COL20A1: variants seen among roughly 807,000 people sequenced by gnomAD.
COL20A1 encodes the protein collagen alpha-1(XX) chain.
Under a neutral mutation model 152.9 loss-of-function variants are expected in COL20A1, and 164 were observed. The ratio of observed to expected loss-of-function variants is 1.07; its 90% CI spans 0.94 to 1.22. The LOEUF (loss-of-function observed/expected upper bound fraction) is 1.22, where lower values mean the gene tolerates loss of function less well. COL20A1 is among the 50% of genes most tolerant of loss of function. The probability of loss-of-function intolerance (pLI) is 0.00; values close to 1 mark genes in which losing one functional copy is unlikely to be tolerated. For synonymous variants in COL20A1, 864 were observed against 756.0 expected, an observed-to-expected ratio of 1.14 and a Z score of -2.34; for missense variants, 1,873 against 1,744.8, an observed-to-expected ratio of 1.07 and a Z score of -1.31.
intron 20 of COL20A1, among the ~76,000 whole-genome samples, chr20:63,316,341 G>C (rs3746378): frequency 0.072 from 10,866 of 151,648 alleles, 454 homozygotes; most frequent in Middle Eastern, 0.11. Context: ...CTGGGGAGGG[G>C]TGGGGGGCGA....
Position 63,314,898 on chromosome 20 carries a change from C to T in COL20A1, c.2489-506C>T, listed in dbSNP as rs180841463. 6.0e-3 allele frequency among the ~76,000 whole-genome samples: 899 copies of T among 150,664 alleles called. 16 individuals are homozygous for T. The highest frequency in any genetic ancestry group is 0.021 in the African/African-American group (856 of 40,678). ...GCCCCCAGCCTGCCCGCACACCAGG[C>T]ATCTCCCTGGCCCCCAGGACATGCG... On this transcript the variant is annotated intron_variant, in intron 19 of 35. Coordinates refer to ENST00000358894, the MANE Select transcript of COL20A1 (RefSeq NM_020882.4).
rs552236663 is a variant in COL20A1, at chr20:63,305,159, C to T, written c.194-258C>T. Among the ~76,000 whole-genome samples the T allele has an allele frequency of 6.6e-6, 1 of 152,214 alleles. No individual in the cohort carries two copies. The highest frequency in any genetic ancestry group is 1.9e-4 in the East Asian group (1 of 5,176). Reference sequence around the variant, plus strand: ...TCTCTGAGGGTTGATGGCTTCTCACCTCACCATGCGGCGGATTCCTCTAGG... The same window carrying T: ...TCTCTGAGGGTTGATGGCTTCTCACTTCACCATGCGGCGGATTCCTCTAGG... On this transcript the variant is annotated intron_variant, in intron 3 of 35. Transcript: ENST00000358894. The surrounding 1 kb of genome is among the most constrained non-coding windows in gnomAD (Gnocchi z 4.9).
Position 63,306,791 on chromosome 20 carries a change from C to T in COL20A1, c.497-699C>T, listed in dbSNP as rs543969829. 3.8e-4 allele frequency among the ~76,000 whole-genome samples: 58 copies of T among 152,344 alleles called. No homozygotes were observed. The highest frequency in any genetic ancestry group is 7.1e-4 in the Non-Finnish European group (48 of 68,014). On this transcript the variant is annotated intron_variant, in intron 5 of 35. Transcript: ENST00000358894. The surrounding 1 kb of genome is among the most constrained non-coding windows in gnomAD (Gnocchi z 6.9). ...CTCAGAAGCAGGATTCTACCTCCCC[C>T]GTCAGACTTGGAACTGAAGGAAGTG...
rs2068000455 is a variant in COL20A1 at position 63,311,182 on chromosome 20, A to G, written c.1394-212A>G. Among the ~76,000 whole-genome samples, 1 of 152,336 alleles carries G rather than the reference A, an allele frequency of 6.6e-6. No individual in the cohort carries two copies. Among genetic ancestry groups the G allele is most frequent in the East Asian group, 1.9e-4 (1 of 5,188 alleles). On this transcript the variant is annotated intron_variant, in intron 11 of 35. Coordinates refer to ENST00000358894, the MANE Select transcript of COL20A1 (RefSeq NM_020882.4). This position sits in a 1 kb window ranked among gnomAD's most constrained non-coding sequence, Gnocchi z 4.4. ...CATTCCTCCCATGACCTCAAGGCAG[A>G]TGGCCTTAGACAAAACTGTGGGGTG...
rs1219665064 is a variant in COL20A1 at position 63,305,860 on chromosome 20, GCT to G, written c.338-18_338-17del. 6.2e-7 allele frequency: 1 copy of G among 1,612,250 alleles called. No individual in the cohort carries two copies. The highest frequency in any genetic ancestry group is 1.3e-5 in the African/African-American group (1 of 74,902). ...CAGGCCCTCCACTCCCACCCTGATG[GCT>G]CTTTGTGTCTCCCTGCAGTTGAGGA... On this transcript the variant is annotated intron_variant, in intron 4 of 35. Coordinates refer to ENST00000358894, the MANE Select transcript of COL20A1 (RefSeq NM_020882.4). This position sits in a 1 kb window ranked among gnomAD's most constrained non-coding sequence, Gnocchi z 4.9.
intron 11 of COL20A1, among the ~76,000 whole-genome samples, chr20:63,310,945 C>T (rs978902115): frequency 6.6e-6 from 1 of 152,092 alleles, no homozygotes; most frequent in African/African-American, 2.4e-5. Flanking sequence ...TTGGTATATT[C>T]AGAGCTGTCA....
At chr20:63,323,469 GCT>G (rs1164304995) in intron 27 of COL20A1, among the ~76,000 whole-genome samples, 3 of 152,144 alleles carry the variant, frequency 2.0e-5, no homozygotes, top group African/African-American at 7.2e-5. Flanking sequence ...TCCTCCTGGT[GCT>G]TCCAGGCACT....
chr20:63,312,972 C>A (rs77297993), intron 16 of COL20A1, 38 bp downstream of exon 16: 2 of 1,527,010 alleles, frequency 1.3e-6, no homozygotes, highest in East Asian at 2.5e-5. Flanking sequence ...AGGGGCCCCC[C>A]GTGGGCCCCT....
At position 63,328,479 on chromosome 20, in the gene COL20A1, C is replaced by T. The variant is rs1308134087; in HGVS notation, c.3762C>T (p.Gly1254=). ...ALVPGEWGRG[G]RHLEGRGEPG... ...TTCCTGGAGAATGGGGGCGTGGTGG[C>T]CGCCACCTTGAGGGCAGAGGTACTG... Residue 1254 remains glycine (G), a synonymous_variant, in exon 34 of 36, where the codon GGC becomes GGT. Coordinates refer to ENST00000358894, the MANE Select transcript of COL20A1 (RefSeq NM_020882.4). 4 of 1,611,564 alleles carry T rather than the reference C, an allele frequency of 2.5e-6. No individual in the cohort carries two copies. The African/African-American group carries it at 4.0e-5, about 16-fold the overall frequency.
chr20:63,302,510 G>A (rs1174245033), intron 3 of COL20A1, among the ~76,000 whole-genome samples: 1 of 152,100 alleles, frequency 6.6e-6, no homozygotes, highest in African/African-American at 2.4e-5. Flanking sequence ...TAGTAGAGAC[G>A]GGGTTTCACT....
Position 63,312,401 on chromosome 20 carries a change from G to A in COL20A1, c.1804-19G>A, listed in dbSNP as rs774605469. On this transcript the variant is annotated intron_variant, in intron 14 of 35. Transcript: ENST00000358894. ...AGGCACCAGCTGGGCCTGCCATGTC[G>A]CCCTCCCACCTGCTGCAGACAGAGG... 43 of 1,548,142 alleles carry A rather than the reference G, an allele frequency of 2.8e-5. No individual in the cohort carries two copies. Among genetic ancestry groups the A allele is most frequent in the African/African-American group, 8.2e-5 (6 of 73,336 alleles).
intron 33 of COL20A1, 60 bp from the exon 34 acceptor site, chr20:63,328,271 G>A (rs191094212): frequency 3.8e-6 from 6 of 1,569,832 alleles, no homozygotes; most frequent in African/African-American, 1.4e-5. Flanking sequence ...GGCGTGGCCT[G>A]CACAGGCCTC....
Position 63,313,137 on chromosome 20 carries a change from CGGCA to C in COL20A1, c.2098_2101del (p.Gly700ArgfsTer7). On this transcript the variant is annotated frameshift_variant, in exon 17 of 36. Coordinates refer to ENST00000358894, the MANE Select transcript of COL20A1 (RefSeq NM_020882.4). LOFTEE classifies it high-confidence loss of function. The surrounding 1 kb of genome is among the most constrained non-coding windows in gnomAD (Gnocchi z 5.9). Reference sequence around the variant, plus strand: ...CCTAGATCTCTGTCCCAGGGAACCTCGGCACGGCCGTCCTGCCTGGCCTAGGGAG... The same window carrying C: ...CCTAGATCTCTGTCCCAGGGAACCTCCGGCCGTCCTGCCTGGCCTAGGGAG... The C allele has an allele frequency of 6.2e-7, 1 of 1,610,346 alleles. No individual in the cohort carries two copies. Among genetic ancestry groups the C allele is most frequent in the East Asian group, 2.2e-5 (1 of 44,776 alleles).
Position 63,325,429 on chromosome 20 carries a change from T to G in COL20A1, c.3295-12T>G. 1 of 1,606,166 alleles carries G rather than the reference T, an allele frequency of 6.2e-7. No individual in the cohort carries two copies. Reference sequence around the variant, plus strand: ...CCTCCGCTTCGCTGTCCAGCCCATCTTCCCCCTCCAGGGTCCACCAGGGGT... The same window carrying G: ...CCTCCGCTTCGCTGTCCAGCCCATCGTCCCCCTCCAGGGTCCACCAGGGGT... On this transcript the variant is annotated splice_polypyrimidine_tract_variant and intron_variant, in intron 27 of 35. Coordinates refer to ENST00000358894, the MANE Select transcript of COL20A1 (RefSeq NM_020882.4).
At chr20:63,304,158 T>C (rs2067893369) in intron 3 of COL20A1, among the ~76,000 whole-genome samples, 1 of 136,188 alleles carries the variant, frequency 7.3e-6, no homozygotes, top group Non-Finnish European at 1.6e-5. Flanking sequence ...CAGGTGTGGG[T>C]TCCTCCCTCC....
At chr20:63,310,719 C>T (rs928902928) in intron 11 of COL20A1, among the ~76,000 whole-genome samples, 5 of 152,094 alleles carry the variant, frequency 3.3e-5, no homozygotes, top group Admixed American at 6.5e-5. Context: ...CCAGCTATAC[C>T]GTTGGTGTCA....
At position 63,329,636 on chromosome 20, in the gene COL20A1, G is replaced by C; in HGVS notation, c.3833G>C (p.Ser1278Thr). Residue 1278 changes from serine to threonine, a missense_variant, in exon 35 of 36, where the codon AGC becomes ACC. By Grantham distance (58) the Ser-to-Thr change is moderately conservative (BLOSUM62 1). Coordinates refer to ENST00000358894, the MANE Select transcript of COL20A1 (RefSeq NM_020882.4). Reference protein sequence around the residue: ...QMGSPGQQGASTQGLWE With the variant: ...QMGSPGQQGATTQGLWE ...GGCAGCCCTGGGCAGCAGGGGGCTA[G>C]CACCCAGGGCCTCTGGGAGTGACAG... 6.2e-7 allele frequency: 1 copy of C among 1,602,564 alleles called. No homozygotes were observed. Among genetic ancestry groups the C allele is most frequent in the Non-Finnish European group, 8.5e-7 (1 of 1,177,146 alleles).
intron 2 of COL20A1, among the ~76,000 whole-genome samples, chr20:63,296,765 C>T (rs981513791): frequency 6.6e-6 from 1 of 152,194 alleles, no homozygotes; most frequent in Admixed American, 6.5e-5. Context: ...ACATTCCTGC[C>T]TTTCAGCCCC....
At chr20:63,307,370 C>T (rs542267167) in intron 5 of COL20A1, 120 bp from the exon 6 acceptor site, 3 of 937,244 alleles carry the variant, frequency 3.2e-6, no homozygotes, top group East Asian at 2.6e-5. Context: ...GGAGTCCTTT[C>T]CCCTGAAACC....
Sources: gnomAD v4.1 joint callset for allele counts (sites outside exome capture counted in the v4.1 genomes callset) on GRCh38, gnomAD v4.1.1 for gene constraint, Gnocchi (gnomAD v3.1) non-coding constraint, MANE v1.5 for transcripts, NCBI Gene and HGNC (gene_info 2026-07-23, HGNC 2026-07-21) for gene names.